The following KHDRBS2 variants were observed in gnomAD, a reference collection of about 807,000 sequenced individuals.
KHDRBS2 encodes KH domain-containing, RNA-binding, signal transduction-associated protein 2.
In KHDRBS2, 26 loss-of-function variants were observed where a neutral mutation model predicts 44.3. The ratio of observed to expected loss-of-function variants is 0.59; its 90% CI spans 0.43 to 0.81. KHDRBS2 has a LOEUF of 0.81. Among genes scored for constraint, KHDRBS2 ranks in the 40% least tolerant of loss-of-function variants. The pLI, the probability that KHDRBS2 is intolerant of heterozygous loss-of-function variation, is 0.00. For missense variants in KHDRBS2, 476 were observed against 433.1 expected (o/e 1.10, Z -0.88); for synonymous variants, 194 against 151.1 (o/e 1.28, Z -2.08).
chr6:61,842,858 A>G (rs1793782222), intron 6 of KHDRBS2, among the ~76,000 whole-genome samples: 3 of 152,168 alleles, frequency 2.0e-5, no homozygotes, highest in Non-Finnish European at 2.9e-5. Flanking sequence ...AAAATGTGGT[A>G]TATCTGTAAT....
intron 3 of KHDRBS2, among the ~76,000 whole-genome samples, chr6:62,039,877 G>A (rs2127298707): frequency 6.6e-6 from 1 of 152,186 alleles, no homozygotes; most frequent in Middle Eastern, 3.4e-3. Flanking sequence ...GCTTTGTCAA[G>A]TTGTAGTAAA....
intron 1 of KHDRBS2, among the ~76,000 whole-genome samples, chr6:62,198,461 T>C (rs1447023999): frequency 3.3e-5 from 5 of 152,134 alleles, no homozygotes; most frequent in Non-Finnish European, 7.4e-5. Flanking sequence ...TAAACACCTC[T>C]ACGCAAATAA....
At chr6:62,280,850 A>C (rs1841694426) in intron 1 of KHDRBS2, among the ~76,000 whole-genome samples, 1 of 152,242 alleles carries the variant, frequency 6.6e-6, no homozygotes. Context: ...ATTTGGGTCA[A>C]GGATATGGAT....
the KHDRBS2 span, among the ~76,000 whole-genome samples, chr6:61,647,093 A>G: frequency 6.6e-6 from 1 of 151,352 alleles, no homozygotes; most frequent in Non-Finnish European, 1.5e-5. Flanking sequence ...TGCTGGGATG[A>G]CAGGTGTGAG....
the KHDRBS2 span, among the ~76,000 whole-genome samples, chr6:61,565,738 A>T: frequency 2.6e-5 from 4 of 152,118 alleles, no homozygotes; most frequent in Non-Finnish European, 5.9e-5. Flanking sequence ...TATTGTATAA[A>T]ATGTTTATAC....
chr6:62,090,071 C>T (rs1177584444), intron 2 of KHDRBS2, among the ~76,000 whole-genome samples: 2 of 151,984 alleles, frequency 1.3e-5, no homozygotes, highest in Non-Finnish European at 2.9e-5. Context: ...GTGGAAGTTG[C>T]CCAGGCTTGG....
intron 2 of KHDRBS2, among the ~76,000 whole-genome samples, chr6:62,166,537 C>G (rs1318145537): frequency 2.0e-5 from 3 of 152,028 alleles, no homozygotes; most frequent in African/African-American, 4.8e-5. Flanking sequence ...AACAAGTTGG[C>G]TGCAGTCAGG....
chr6:61,828,316 T>C (rs951712126), intron 6 of KHDRBS2, among the ~76,000 whole-genome samples: 1 of 152,172 alleles, frequency 6.6e-6, no homozygotes, highest in South Asian at 2.1e-4. Context: ...ATAAAGTCTA[T>C]AAAGAAAAGG....
intron 1 of KHDRBS2, among the ~76,000 whole-genome samples, chr6:62,280,136 A>G (rs1436291017): frequency 5.9e-5 from 9 of 152,334 alleles, no homozygotes; most frequent in South Asian, 4.1e-4. Context: ...GGGAGTGTAG[A>G]GAGTGAATTA....
intron 3 of KHDRBS2, among the ~76,000 whole-genome samples, chr6:61,993,707 C>T (rs1441120624): frequency 2.0e-5 from 2 of 98,986 alleles, no homozygotes. Context: ...ATATATTTAG[C>T]TGCTTGCTCC....
intron 1 of KHDRBS2, among the ~76,000 whole-genome samples, chr6:62,216,657 C>A (rs1286113440): frequency 6.6e-6 from 1 of 150,444 alleles, no homozygotes; most frequent in Non-Finnish European, 1.5e-5. Flanking sequence ...AAGGTTTGAT[C>A]CACCTGCTTC....
In KHDRBS2 at chr6:61,921,740, T is replaced by A. The variant is rs1361825171; in HGVS notation, c.484-20369A>T. Among the ~76,000 whole-genome samples, 3 of 152,018 alleles carry A rather than the reference T, an allele frequency of 2.0e-5. No individual in the cohort carries two copies. The East Asian group carries it at 5.8e-4, about 29-fold the overall frequency. On this transcript the variant is annotated intron_variant, in intron 4 of 8. Transcript: ENST00000281156. ...ATACATTCGATTATTTATTTATGGA[T>A]GTTTTAGAGTTTTCCACCGTTTTGC...
intron 1 of KHDRBS2, among the ~76,000 whole-genome samples, chr6:62,277,783 T>C (rs76633742): frequency 0.03 from 4,600 of 152,306 alleles, 178 homozygotes; most frequent in African/African-American, 0.099. Flanking sequence ...TATGATTGTT[T>C]ATTATCTCTC....
chr6:61,904,440 G>C (rs1482865654), intron 4 of KHDRBS2, among the ~76,000 whole-genome samples: 1 of 152,198 alleles, frequency 6.6e-6, no homozygotes, highest in African/African-American at 2.4e-5. Flanking sequence ...AGCTTAGCTA[G>C]AGGGCTATAC....
the KHDRBS2 span, among the ~76,000 whole-genome samples, chr6:61,567,862 T>C: frequency 6.6e-6 from 1 of 152,110 alleles, no homozygotes; most frequent in East Asian, 1.9e-4. Flanking sequence ...GTAGCCTTTT[T>C]GGATGTGAGG....
chr6:62,167,842 G>A (rs538894759), intron 2 of KHDRBS2, among the ~76,000 whole-genome samples: 34 of 152,230 alleles, frequency 2.2e-4, no homozygotes, highest in South Asian at 8.3e-4. Context: ...GCTTTGAGTC[G>A]TAGTTTCCAT....
At chr6:62,046,511 T>C (rs1390731051) in intron 3 of KHDRBS2, among the ~76,000 whole-genome samples, 2 of 151,874 alleles carry the variant, frequency 1.3e-5, no homozygotes, top group African/African-American at 2.4e-5. Context: ...TTAAAGAATG[T>C]GTGAGACCGT....
chr6:61,652,894 C>A, the KHDRBS2 span, among the ~76,000 whole-genome samples: 9 of 151,958 alleles, frequency 5.9e-5, no homozygotes, highest in Admixed American at 1.3e-4. Flanking sequence ...TGTGAACATG[C>A]CGTGAGGAGA....
intron 2 of KHDRBS2, among the ~76,000 whole-genome samples, chr6:62,128,035 C>T (rs1045070822): frequency 1.3e-5 from 2 of 152,112 alleles, no homozygotes; most frequent in African/African-American, 4.8e-5. Flanking sequence ...AACTTTTATT[C>T]TTTTATGTCC....
Sources: gnomAD v4.1 joint callset for allele counts (sites outside exome capture counted in the v4.1 genomes callset) on GRCh38, gnomAD v4.1.1 for gene constraint, MANE v1.5 for transcripts, NCBI Gene and HGNC (gene_info 2026-07-23, HGNC 2026-07-21) for gene names.